HYCC2: variants seen among roughly 807,000 people sequenced by gnomAD.
HYCC2 encodes hyccin PI4KA lipid kinase complex subunit 2.
the HYCC2 span, among the ~76,000 whole-genome samples, chr2:201,014,582 C>T: frequency 6.6e-6 from 1 of 152,110 alleles, no homozygotes; most frequent in African/African-American, 2.4e-5. Flanking sequence ...TTTAAAACAC[C>T]TAATAAGTGG....
the HYCC2 span, among the ~76,000 whole-genome samples, chr2:200,994,192 G>C: frequency 6.6e-6 from 1 of 152,098 alleles, no homozygotes; most frequent in African/African-American, 2.4e-5. Flanking sequence ...TGACCCAACA[G>C]TTATTTTTTT....
At chr2:201,056,341 C>T in the HYCC2 span, among the ~76,000 whole-genome samples, 4 of 152,062 alleles carry the variant, frequency 2.6e-5, no homozygotes, top group Admixed American at 6.6e-5. Flanking sequence ...TTAAATGGGG[C>T]CTAGGACATG....
At chr2:201,023,930 A>G in the HYCC2 span, 3 of 1,549,852 alleles carry the variant, frequency 1.9e-6, no homozygotes, top group Admixed American at 5.0e-5. Context: ...AGAAAAATAT[A>G]ATACATTCTG....
chr2:200,992,020 G>T, the HYCC2 span, among the ~76,000 whole-genome samples: 1 of 152,052 alleles, frequency 6.6e-6, no homozygotes, highest in East Asian at 1.9e-4. Flanking sequence ...CCCTTCTCTA[G>T]AAATCTGAAT....
At chr2:201,023,661 C>T in the HYCC2 span, 2 of 204,888 alleles carry the variant, frequency 9.8e-6, no homozygotes, top group African/African-American at 2.3e-5. Context: ...ATTTTTGTGC[C>T]TTATTAAAGC....
At chr2:201,018,130 G>C in the HYCC2 span, among the ~76,000 whole-genome samples, 2 of 151,916 alleles carry the variant, frequency 1.3e-5, no homozygotes, top group Non-Finnish European at 2.9e-5. Flanking sequence ...TTTTTCATAC[G>C]ATATCACACA....
chr2:201,007,927 T>C, the HYCC2 span, among the ~76,000 whole-genome samples: 45 of 152,160 alleles, frequency 3.0e-4, no homozygotes, highest in Admixed American at 2.9e-3. Flanking sequence ...GCCAGGAGGG[T>C]AATGTATCCT....
At chr2:201,056,016 G>A in the HYCC2 span, among the ~76,000 whole-genome samples, 4,209 of 152,060 alleles carry the variant, frequency 0.028, 106 homozygotes, top group Middle Eastern at 0.088. Context: ...GTGAAACCCC[G>A]TCTCTACTAA....
At chr2:201,016,954 A>G in the HYCC2 span, 264,802 of 1,589,454 alleles carry the variant, frequency 0.17, 24,965 homozygotes, top group African/African-American at 0.38. Context: ...ACCTTAAAAA[A>G]TACTTAAAAT....
chr2:201,054,029 G>A, the HYCC2 span, among the ~76,000 whole-genome samples: 245 of 152,172 alleles, frequency 1.6e-3, 2 homozygotes, highest in African/African-American at 5.6e-3. Context: ...GAAAAGCTGG[G>A]GAATGAGATG....
the HYCC2 span, among the ~76,000 whole-genome samples, chr2:201,043,302 A>G: frequency 1.3e-5 from 2 of 151,966 alleles, no homozygotes; most frequent in South Asian, 4.1e-4. Flanking sequence ...GGAAGGTGGC[A>G]GGGCCCTCTG....
At chr2:201,066,009 C>A in the HYCC2 span, among the ~76,000 whole-genome samples, 1 of 152,044 alleles carries the variant, frequency 6.6e-6, no homozygotes, top group Non-Finnish European at 1.5e-5. Flanking sequence ...CCATAAATAG[C>A]AGATACTGTA....
chr2:201,061,471 C>T, the HYCC2 span: 1 of 151,936 alleles, frequency 6.6e-6, no homozygotes, highest in African/African-American at 2.4e-5. Flanking sequence ...TACAGATTAA[C>T]CTCCTTCAAG....
the HYCC2 span, among the ~76,000 whole-genome samples, chr2:201,038,874 C>G: frequency 1.3e-5 from 2 of 151,690 alleles, no homozygotes; most frequent in Admixed American, 1.3e-4. Context: ...TGCACATGTA[C>G]TCTAAAACTT....
chr2:201,034,689 T>G, the HYCC2 span, among the ~76,000 whole-genome samples: 2 of 152,230 alleles, frequency 1.3e-5, no homozygotes, highest in African/African-American at 4.8e-5. Flanking sequence ...TTGATGCAGT[T>G]TCTTCCTAGC....
At chr2:201,067,271 A>T in the HYCC2 span, 1 of 158,546 alleles carries the variant, frequency 6.3e-6, no homozygotes, top group Non-Finnish European at 1.4e-5. Flanking sequence ...AGCACTATCA[A>T]CAGTTAAGTA....
chr2:201,049,134 A>G, the HYCC2 span, among the ~76,000 whole-genome samples: 1 of 151,858 alleles, frequency 6.6e-6, no homozygotes, highest in Admixed American at 6.6e-5. Flanking sequence ...AAAAAAAAAA[A>G]AAAAGAAAAC....
chr2:201,010,731 A>G, the HYCC2 span, among the ~76,000 whole-genome samples: 2 of 152,114 alleles, frequency 1.3e-5, no homozygotes, highest in Admixed American at 1.3e-4. Context: ...ATTTCTAAGT[A>G]GTATGGAAGA....
the HYCC2 span, among the ~76,000 whole-genome samples, chr2:201,016,183 A>C: frequency 1.3e-5 from 2 of 151,490 alleles, no homozygotes; most frequent in South Asian, 4.1e-4. Flanking sequence ...CAATTATAGT[A>C]GTTTTACATA....
Sources: allele counts gnomAD v4.1 joint callset (sites outside exome capture counted in the v4.1 genomes callset), GRCh38; gene constraint gnomAD v4.1.1; transcripts MANE v1.5; gene names NCBI Gene and HGNC (gene_info 2026-07-23, HGNC 2026-07-21).